The following PCDHA1 variants were observed in gnomAD, a reference collection of about 807,000 sequenced individuals.
PCDHA1 encodes protocadherin alpha-1.
A neutral mutation model predicts 61.3 loss-of-function variants in PCDHA1; 42 were observed. That is an observed-to-expected ratio of 0.69 (90% CI 0.54 to 0.89). PCDHA1 has a LOEUF of 0.89. PCDHA1 is among the 40% of genes least tolerant of loss of function. The pLI is 0.00. For missense variants in PCDHA1, 1,256 were observed against 1,235.3 expected, an observed-to-expected ratio of 1.02 and a Z score of -0.25; for synonymous variants, 610 against 553.8, an observed-to-expected ratio of 1.10 and a Z score of -1.43.
intron 1 of PCDHA1, chr5:140,870,945 G>A (rs782397621): frequency 1.2e-6 from 2 of 1,613,724 alleles, no homozygotes; most frequent in Non-Finnish European, 1.7e-6. Context: ...AGCCGGCGGC[G>A]GGCGGCTCGC....
rs2150240136 is a variant in PCDHA1, at chr5:140,835,634, T to G, written c.2394+46950T>G. 6.8e-6 allele frequency: 11 copies of G among 1,613,690 alleles called. No homozygotes were observed. The highest frequency in any genetic ancestry group is 1.1e-5 in the South Asian group (1 of 91,070). On this transcript the variant is annotated intron_variant, in intron 1 of 3. Transcript: ENST00000504120. The stretch of plus-strand genomic sequence containing the variant: ...TGGACAGCGCTCTGGACCGCGAGAG[T>G]GTGTCCGCCTATGAGCTGGTGGTTA...
intron 3 of PCDHA1, among the ~76,000 whole-genome samples, chr5:140,991,890 T>A (rs1192590580): frequency 1.3e-5 from 2 of 152,192 alleles, no homozygotes; most frequent in Non-Finnish European, 2.9e-5. Context: ...CCATAACAAA[T>A]TAACACAAAA....
chr5:140,883,421 G>A (rs1398671591), intron 1 of PCDHA1: 1 of 1,614,022 alleles, frequency 6.2e-7, no homozygotes, highest in Non-Finnish European at 8.5e-7. Flanking sequence ...AAATGGACAG[G>A]TCACCTGCAC....
At chr5:140,850,169 G>A in intron 1 of PCDHA1, 2 of 1,594,742 alleles carry the variant, frequency 1.3e-6, no homozygotes, top group Non-Finnish European at 1.7e-6. Flanking sequence ...TGCTGGACGA[G>A]AACGACAATG....
intron 1 of PCDHA1, among the ~76,000 whole-genome samples, chr5:140,800,112 C>T (rs552982615): frequency 1.3e-4 from 20 of 152,128 alleles, no homozygotes; most frequent in African/African-American, 4.6e-4. Context: ...TCATCAAAAA[C>T]GTAATTACTT....
chr5:140,962,557 C>A (rs1554226125), intron 1 of PCDHA1, among the ~76,000 whole-genome samples: 2 of 152,112 alleles, frequency 1.3e-5, no homozygotes, highest in Admixed American at 6.6e-5. Flanking sequence ...AGGATCTCCC[C>A]CTAAAAGCCA....
intron 1 of PCDHA1, chr5:140,852,642 A>T (rs2042423560): frequency 2.1e-6 from 2 of 960,454 alleles, no homozygotes; most frequent in African/African-American, 3.6e-5. Flanking sequence ...CTGTCATTAA[A>T]CCTATCTATA....
At chr5:140,930,169 A>G (rs1312219690) in intron 1 of PCDHA1, 1 of 152,184 alleles carries the variant, frequency 6.6e-6, no homozygotes, top group Non-Finnish European at 1.5e-5. Context: ...AATATTTTAC[A>G]AAGAGGAAAG....
intron 1 of PCDHA1, chr5:140,843,614 C>A: frequency 6.3e-7 from 1 of 1,596,062 alleles, no homozygotes; most frequent in Non-Finnish European, 8.6e-7. Flanking sequence ...TGAGGGGCCA[C>A]CGAAGACGGA....
At chr5:140,806,049 A>T (rs1763674916) in intron 1 of PCDHA1, among the ~76,000 whole-genome samples, 2 of 152,218 alleles carry the variant, frequency 1.3e-5, no homozygotes, top group South Asian at 4.1e-4. Flanking sequence ...TAAATGGCCC[A>T]CGCGATTCCA....
intron 1 of PCDHA1, chr5:140,836,292 C>T (rs1774344523): frequency 1.2e-6 from 2 of 1,613,782 alleles, no homozygotes; most frequent in Non-Finnish European, 1.7e-6. Context: ...GACACGAGCC[C>T]TAGATGAGAC....
chr5:140,801,116 A>G, intron 1 of PCDHA1: 1 of 1,514,718 alleles, frequency 6.6e-7, no homozygotes, highest in East Asian at 2.3e-5. Flanking sequence ...CGAGGAGTTT[A>G]AGAAATGAAG....
At chr5:140,891,452 TG>T (rs2063116437) in intron 1 of PCDHA1, among the ~76,000 whole-genome samples, 1 of 150,254 alleles carries the variant, frequency 6.7e-6, no homozygotes, top group Non-Finnish European at 1.5e-5. Flanking sequence ...ATAGGATTTT[TG>T]AATTTGTGAA....
In PCDHA1 at chr5:140,802,957, C is replaced by A. The variant is rs368124157; in HGVS notation, c.2394+14273C>A. Reference sequence around the variant, plus strand: ...GAGCTGGTGCCGCGGTCAGTGGGTGCGGGCCACGTGGTAGCGAAGGTGCGC... The same window carrying A: ...GAGCTGGTGCCGCGGTCAGTGGGTGAGGGCCACGTGGTAGCGAAGGTGCGC... On this transcript the variant is annotated intron_variant, in intron 1 of 3. Transcript: ENST00000504120. The A allele has an allele frequency of 3.1e-6, 5 of 1,613,890 alleles. No homozygotes were observed. The highest frequency in any genetic ancestry group is 4.2e-6 in the Non-Finnish European group (5 of 1,179,896).
Position 140,788,064 on chromosome 5 carries a change from G to T in PCDHA1, c.1774G>T (p.Ala592Ser), listed in dbSNP as rs1554118099. 1 of 1,613,890 alleles carries T rather than the reference G, an allele frequency of 6.2e-7. No homozygotes were observed. Among genetic ancestry groups the T allele is most frequent in the East Asian group, 2.2e-5 (1 of 44,880 alleles). ...ATTGGTGGGTGCGGGTCATGTGGTG[G>T]CGAAGGTGCGCGCAGTGGACGCCGA... ...PRLVGAGHVV[A>S]KVRAVDADSG... Residue 592 changes from alanine to serine, a missense_variant, in exon 1 of 4, where the codon GCG (alanine) becomes TCG (serine). Coordinates refer to ENST00000504120, the MANE Select transcript of PCDHA1 (RefSeq NM_018900.4).
intron 1 of PCDHA1, chr5:140,795,478 C>T (rs1554119451): frequency 6.2e-7 from 1 of 1,614,158 alleles, no homozygotes; most frequent in South Asian, 1.1e-5. Context: ...CTCCTACAAG[C>T]TCAGCTCCAG....
At chr5:140,856,761 C>A (rs377564040) in intron 1 of PCDHA1, 2 of 1,596,482 alleles carry the variant, frequency 1.3e-6, no homozygotes, top group African/African-American at 2.7e-5. Context: ...AATGATAACG[C>A]CCCTATCTTT....
intron 1 of PCDHA1, chr5:140,811,621 G>A (rs1226393558): frequency 6.6e-6 from 1 of 152,228 alleles, no homozygotes; most frequent in East Asian, 1.9e-4. Context: ...CACCAACGGT[G>A]TAAAAGCGTT....
intron 3 of PCDHA1, among the ~76,000 whole-genome samples, chr5:141,002,755 T>C (rs894161079): frequency 3.3e-5 from 5 of 152,174 alleles, no homozygotes; most frequent in Non-Finnish European, 7.3e-5. Flanking sequence ...GACAACCCTG[T>C]GATGTAGACA....
Sources: gnomAD v4.1 joint callset for allele counts (sites outside exome capture counted in the v4.1 genomes callset) on GRCh38, gnomAD v4.1.1 for gene constraint, MANE v1.5 for transcripts, NCBI Gene and HGNC (gene_info 2026-07-23, HGNC 2026-07-21) for gene names.